SH2D5: variants seen among roughly 807,000 people sequenced by gnomAD.
The protein encoded by SH2D5 is SH2 domain-containing protein 5.
A neutral mutation model predicts 48.2 loss-of-function variants in SH2D5; 45 were observed. That is an observed-to-expected ratio of 0.93 (90% CI 0.73 to 1.20). The LOEUF (loss-of-function observed/expected upper bound fraction) is 1.20. Ranked by LOEUF, SH2D5 falls within the 50% of genes most tolerant of loss-of-function variation. The probability of loss-of-function intolerance (pLI) is 0.00; values close to 1 mark genes in which losing one functional copy is unlikely to be tolerated. For synonymous variants in SH2D5, 230 were observed against 249.8 expected, an observed-to-expected ratio of 0.92 and a Z score of 0.75; for missense variants, 538 against 584.1, an observed-to-expected ratio of 0.92 and a Z score of 0.81.
At position 20,721,998 on chromosome 1, in the gene SH2D5, A is replaced by G. The variant is rs767595496; in HGVS notation, c.1069-3T>C. 6.2e-7 allele frequency: 1 copy of G among 1,611,576 alleles called. No homozygotes were observed. Among genetic ancestry groups the G allele is most frequent in the Non-Finnish European group, 8.5e-7 (1 of 1,179,160 alleles). On this transcript the variant is annotated splice_region_variant and splice_polypyrimidine_tract_variant and intron_variant, in intron 9 of 9. Transcript: ENST00000444387. ...CTGGGGAACTCTGCCGGCAGGTGCT[A>G]GGGGAGGAAGGGACTTCAGCTCCAG...
At chr1:20,723,760 A>G (rs1167177873) in intron 7 of SH2D5, 26 bp from the exon 8 acceptor site, 1 of 1,588,442 alleles carries the variant, frequency 6.3e-7, no homozygotes, top group Non-Finnish European at 8.6e-7. Context: ...AGGAGTCAGA[A>G]GGAGAGTGGC....
intron 3 of SH2D5, 116 bp downstream of exon 3, chr1:20,727,407 A>G (rs1367963362): frequency 4.7e-6 from 5 of 1,057,654 alleles, no homozygotes; most frequent in Non-Finnish European, 7.0e-6. Context: ...CCCACCACAA[A>G]CAGGGCCTGT....
Position 20,721,476 on chromosome 1 carries a change from T to G in SH2D5, c.*316A>C. Reference sequence around the variant, plus strand: ...CGTGAACAAGCTCCTGCCCCAGGAGTAAAGCAGAAGCCCAGAAGTCCCAAA... The same window carrying G: ...CGTGAACAAGCTCCTGCCCCAGGAGGAAAGCAGAAGCCCAGAAGTCCCAAA... On this transcript the variant is annotated 3_prime_UTR_variant, in exon 10 of 10. Coordinates refer to ENST00000444387, the MANE Select transcript of SH2D5 (RefSeq NM_001103161.2). The G allele has an allele frequency of 3.1e-6, 1 of 319,506 alleles. No individual in the cohort carries two copies. Among genetic ancestry groups the G allele is most frequent in the Non-Finnish European group, 5.7e-6 (1 of 175,324 alleles). 19.8% of individuals were successfully genotyped at this position (319,506 alleles called of 1,614,324 possible).
Position 20,728,119 on chromosome 1 carries a change from G to C in SH2D5, c.-42-33C>G. 9.1e-7 allele frequency: 1 copy of C among 1,097,216 alleles called. No homozygotes were observed. The highest frequency in any genetic ancestry group is 1.3e-6 in the Non-Finnish European group (1 of 761,544). 68.0% of individuals were successfully genotyped at this position (1,097,216 alleles called of 1,614,324 possible). On this transcript the variant is annotated intron_variant, in intron 1 of 9. Transcript: ENST00000444387. The surrounding 1 kb of genome is among the most constrained non-coding windows in gnomAD (Gnocchi z 4.3). The stretch of plus-strand genomic sequence containing the variant: ...GGGCAGGGGGGGAAGGGCTGCTTTC[G>C]AGGCAGGCAAGCCACAGAGTGCCCC...
At chr1:20,722,653 C>T (rs750386852) in intron 9 of SH2D5, 103 bp downstream of exon 9, 1 of 1,197,654 alleles carries the variant, frequency 8.3e-7, no homozygotes, top group Non-Finnish European at 1.1e-6. Flanking sequence ...GGGGGTGAGG[C>T]ACATTCAGGA....
rs896820972 is a variant in SH2D5, at chr1:20,729,245, G to A, written c.-42-1159C>T. Among the ~76,000 whole-genome samples the A allele has an allele frequency of 1.3e-5, 2 of 152,126 alleles. No individual in the cohort carries two copies. The highest frequency in any genetic ancestry group is 2.9e-5 in the Non-Finnish European group (2 of 68,024). On this transcript the variant is annotated intron_variant, in intron 1 of 9. Coordinates refer to ENST00000444387, the MANE Select transcript of SH2D5 (RefSeq NM_001103161.2). This position sits in a 1 kb window ranked among gnomAD's most constrained non-coding sequence, Gnocchi z 4.2. ...GAAAGAATGGCTAAATGCCTCTGGC[G>A]AGGTCCCCCAGGACTCAGCTCCCTC...
At position 20,724,240 on chromosome 1, in the gene SH2D5, T is replaced by C. The variant is rs1314641160; in HGVS notation, c.642A>G (p.Pro214=). ...EGLVGSGKEL[P]ESEGRARHAR... is the part of the protein sequence containing the mutation. ...CATGGCGGGCACGGCCTTCCGACTC[T>C]GGCAGCTCCTTCTAGGGCACCAAGA... The change falls in exon 7 of 10, where the codon CCA becomes CCG. Residue 214 remains proline, a synonymous_variant. Transcript: ENST00000444387. The C allele has an allele frequency of 6.2e-7, 1 of 1,612,552 alleles. No individual in the cohort carries two copies. The highest frequency in any genetic ancestry group is 8.5e-7 in the Non-Finnish European group (1 of 1,179,878).
chr1:20,724,615 C>G lies in SH2D5; in HGVS notation c.411G>C (p.Leu137=), dbSNP rs375806053. Residue 137 remains leucine (L), a synonymous_variant, in exon 6 of 10, where the codon CTG becomes CTC. Transcript: ENST00000444387. ...AAGCCAGCTGGAAAGAGCGGCACAGCAGCAGGTGCAGGATCTGGACCTGGG... is the reference window on the plus strand; with the variant it reads ...AAGCCAGCTGGAAAGAGCGGCACAGGAGCAGGTGCAGGATCTGGACCTGGG... ...QPGEVQILHL[L]LCRSFQLAYL... The G allele has an allele frequency of 1.3e-6, 2 of 1,578,432 alleles. No homozygotes were observed. Among genetic ancestry groups the G allele is most frequent in the Non-Finnish European group, 1.7e-6 (2 of 1,163,972 alleles).
rs756987342 is a variant in SH2D5, at chr1:20,720,370, C to T, written c.*1422G>A. On this transcript the variant is annotated 3_prime_UTR_variant, in exon 10 of 10. Transcript: ENST00000444387. ...TCACGGGAGGGTTGGAGGTGGGGAA[C>T]ACGAGGCCTGGGCCTCTGGGAGGCT... 1.3e-5 allele frequency: 2 copies of T among 152,262 alleles called. No individual in the cohort carries two copies. The highest frequency in any genetic ancestry group is 2.4e-5 in the African/African-American group (1 of 41,464). The allele number at this position is 152,262 out of a possible 1,614,324, so 9.4% of individuals were successfully genotyped here. A position where few individuals can be genotyped will look rare whatever the true frequency, so the allele number is the denominator to read the frequency against.
At chr1:20,725,572 G>A (rs2054778286) in intron 5 of SH2D5, among the ~76,000 whole-genome samples, 2 of 152,212 alleles carry the variant, frequency 1.3e-5, no homozygotes, top group Non-Finnish European at 2.9e-5. Flanking sequence ...GTCAAGGCGG[G>A]GTTCAGACAC....
At chr1:20,726,205 G>C (rs2054796581) in intron 4 of SH2D5, 139 bp from the exon 5 acceptor site, 1 of 1,117,864 alleles carries the variant, frequency 8.9e-7, no homozygotes, top group Non-Finnish European at 1.2e-6. Context: ...CATGGGCCCT[G>C]GGGCTTAAGA....
At chr1:20,726,939 A>C (rs1195623982) in intron 4 of SH2D5, 62 bp downstream of exon 4, 3 of 1,416,268 alleles carry the variant, frequency 2.1e-6, no homozygotes, top group Non-Finnish European at 2.9e-6. Flanking sequence ...AGGAGAGCGC[A>C]TCCTGAGGGT....
intron 7 of SH2D5, 112 bp from the exon 8 acceptor site, chr1:20,723,846 C>T: frequency 9.8e-7 from 1 of 1,018,922 alleles, no homozygotes; most frequent in Non-Finnish European, 1.5e-6. Flanking sequence ...CTACCCTGCT[C>T]AGCAGACATA....
At chr1:20,723,931 A>G in intron 7 of SH2D5, 152 bp downstream of exon 7, 1 of 1,101,420 alleles carries the variant, frequency 9.1e-7, no homozygotes, top group Non-Finnish European at 1.3e-6. Flanking sequence ...ACAGACACGG[A>G]TGCAGGCAAA....
At chr1:20,727,244 C>T (rs2054819549) in intron 3 of SH2D5, among the ~76,000 whole-genome samples, 169 bp from the exon 4 acceptor site, 2 of 152,120 alleles carry the variant, frequency 1.3e-5, no homozygotes, top group South Asian at 2.1e-4. Context: ...GGGGATGGCT[C>T]CTGGCAGATG....
At chr1:20,730,306 C>CGGGG in intron 1 of SH2D5, among the ~76,000 whole-genome samples, 2 of 134,568 alleles carry the variant, frequency 1.5e-5, no homozygotes, top group South Asian at 4.7e-4. Flanking sequence ...CCATCCTGCT[C>CGGGG]GGGGGGGGGG....
intron 7 of SH2D5, 123 bp downstream of exon 7, chr1:20,723,960 A>G (rs1479866609): frequency 4.7e-6 from 6 of 1,271,112 alleles, no homozygotes; most frequent in Non-Finnish European, 5.5e-6. Context: ...GTGCACAGGC[A>G]TCACTTGGAG....
In SH2D5 at chr1:20,724,375, C is replaced by T. The variant is rs376777359; in HGVS notation, c.630+21G>A. The T allele has an allele frequency of 1.7e-4, 272 of 1,610,602 alleles. 1 individual carries two copies. The Middle Eastern group carries it at 2.8e-3, about 17-fold the overall frequency. ...CAGTTCCCTTGTCCACTGCCCACTCCTTGGCTGGGGTGCTGCGTACCCCAC... is the reference window on the plus strand; with the variant it reads ...CAGTTCCCTTGTCCACTGCCCACTCTTTGGCTGGGGTGCTGCGTACCCCAC... On this transcript the variant is annotated intron_variant, in intron 6 of 9. Coordinates refer to ENST00000444387, the MANE Select transcript of SH2D5 (RefSeq NM_001103161.2).
chr1:20,720,478 A>G lies in SH2D5; in HGVS notation c.*1314T>C, dbSNP rs2054664426. ...TCCTTCCAGGAGTCAGAAATCTGTG[A>G]CTTTCAAGGCACTGAACAGTTCTGT... On this transcript the variant is annotated 3_prime_UTR_variant, in exon 10 of 10. Coordinates refer to ENST00000444387, the MANE Select transcript of SH2D5 (RefSeq NM_001103161.2). The G allele has an allele frequency of 6.6e-6, 1 of 152,216 alleles. No homozygotes were observed. Among genetic ancestry groups the G allele is most frequent in the South Asian group, 2.1e-4 (1 of 4,836 alleles). The allele number at this position is 152,216 out of a possible 1,614,324, so 9.4% of individuals were successfully genotyped here. A position where few individuals can be genotyped will look rare whatever the true frequency, so the allele number is the denominator to read the frequency against.
Sources: gnomAD v4.1 joint callset for allele counts (sites outside exome capture counted in the v4.1 genomes callset) on GRCh38, gnomAD v4.1.1 for gene constraint, Gnocchi (gnomAD v3.1) non-coding constraint, MANE v1.5 for transcripts, NCBI Gene and HGNC (gene_info 2026-07-23, HGNC 2026-07-21) for gene names.